Variants in EFR3B observed in about 807,000 individuals in gnomAD.
The protein encoded by EFR3B is EFR3 homolog B.
Under a neutral mutation model 104.7 loss-of-function variants are expected in EFR3B, and 64 were observed. The ratio of observed to expected loss-of-function variants is 0.61; its 90% CI spans 0.50 to 0.75. EFR3B has a LOEUF of 0.75. Ranked by LOEUF, EFR3B falls within the 30% of genes least tolerant of loss-of-function variation. The pLI is 0.00. For synonymous variants in EFR3B, 385 were observed against 417.9 expected, an observed-to-expected ratio of 0.92 and a Z score of 0.96; for missense variants, 750 against 1,078.5, an observed-to-expected ratio of 0.70 and a Z score of 4.27.
At chr2:25,135,758 G>A (rs1191915900) in intron 13 of EFR3B, 119 bp downstream of exon 13, 1 of 1,189,246 alleles carries the variant, frequency 8.4e-7, no homozygotes, top group African/African-American at 1.5e-5. Flanking sequence ...AGTATTGTGG[G>A]ATCTGAGTAT....
At position 25,042,553 on chromosome 2, in the gene EFR3B, G is replaced by T. The variant is rs1667601483; in HGVS notation, c.7+234G>T. Reference sequence around the variant, plus strand: ...GGCCCGGCGCGTGCCGGTGCTGGGCGGTGGTCCTTCGGGGGGCGGAGGCTC... The same window carrying T: ...GGCCCGGCGCGTGCCGGTGCTGGGCTGTGGTCCTTCGGGGGGCGGAGGCTC... On this transcript the variant is annotated intron_variant, in intron 1 of 22. Transcript: ENST00000403714. The surrounding 1 kb of genome is among the most constrained non-coding windows in gnomAD (Gnocchi z 5.4). The T allele has an allele frequency of 3.3e-6, 4 of 1,205,652 alleles. No individual in the cohort carries two copies. The Admixed American group carries it at 1.3e-4, about 40-fold the overall frequency. The allele number at this position is 1,205,652 out of a possible 1,614,324, so 74.7% of individuals were successfully genotyped here. A position where few individuals can be genotyped will look rare whatever the true frequency, so the allele number is the denominator to read the frequency against.
chr2:25,083,134 C>T (rs549958578), intron 1 of EFR3B, among the ~76,000 whole-genome samples: 2 of 152,180 alleles, frequency 1.3e-5, no homozygotes, highest in African/African-American at 2.4e-5. Flanking sequence ...GGCCATATCA[C>T]GTTTCCCTCT....
intron 1 of EFR3B, among the ~76,000 whole-genome samples, chr2:25,073,748 G>T (rs1467649633): frequency 1.3e-5 from 2 of 152,122 alleles, no homozygotes; most frequent in African/African-American, 2.4e-5. Flanking sequence ...GAAACCACAT[G>T]CATGTGTGCC....
chr2:25,134,925 A>G (rs1670478753), intron 12 of EFR3B, among the ~76,000 whole-genome samples: 1 of 152,226 alleles, frequency 6.6e-6, no homozygotes, highest in Non-Finnish European at 1.5e-5. Context: ...CATGTATGGC[A>G]TATCTATTTA....
chr2:25,080,321 T>TG, intron 1 of EFR3B: 1 of 724,780 alleles, frequency 1.4e-6, no homozygotes, highest in Non-Finnish European at 2.1e-6. Context: ...TGAGATGGAG[T>TG]TTTGCTCTTG....
chr2:25,124,464 C>T (rs923787660), intron 5 of EFR3B, among the ~76,000 whole-genome samples: 3 of 151,922 alleles, frequency 2.0e-5, no homozygotes, highest in East Asian at 1.9e-4. Context: ...CAGTGGCTCA[C>T]GCCTGTAATC....
At chr2:25,098,831 ATT>A (rs11416666) in intron 3 of EFR3B, among the ~76,000 whole-genome samples, 4 of 83,798 alleles carry the variant, frequency 4.8e-5, no homozygotes, top group East Asian at 2.4e-4. Context: ...TAAGTAGCCA[ATT>A]TTTTTTTTTT....
chr2:25,066,219 T>A (rs1668333582), intron 1 of EFR3B, among the ~76,000 whole-genome samples: 1 of 152,194 alleles, frequency 6.6e-6, no homozygotes, highest in African/African-American at 2.4e-5. Context: ...TCTTCCAGGA[T>A]AGGGACATTC....
In EFR3B at chr2:25,136,470, G is replaced by C; in HGVS notation, c.1485-53G>C. 1 of 1,449,178 alleles carries C rather than the reference G, an allele frequency of 6.9e-7. No homozygotes were observed. Among genetic ancestry groups the C allele is most frequent in the Non-Finnish European group, 9.5e-7 (1 of 1,055,950 alleles). The allele number at this position is 1,449,178 out of a possible 1,614,324, so 89.8% of individuals were successfully genotyped here. A position where few individuals can be genotyped will look rare whatever the true frequency, so the allele number is the denominator to read the frequency against. ...GATAAAGCTCAGTGACCCCGTGTGA[G>C]CTCAGGCTGGCCTCATGCAAGGGCT... On this transcript the variant is annotated intron_variant, in intron 13 of 22. Coordinates refer to ENST00000403714, the MANE Select transcript of EFR3B (RefSeq NM_014971.2). The surrounding 1 kb of genome is among the most constrained non-coding windows in gnomAD (Gnocchi z 4.0).
intron 4 of EFR3B, among the ~76,000 whole-genome samples, chr2:25,106,082 T>G (rs1669555195): frequency 6.6e-6 from 1 of 152,248 alleles, no homozygotes; most frequent in Admixed American, 6.5e-5. Flanking sequence ...CCAGACCTTC[T>G]TGAGCCTTCC....
intron 17 of EFR3B, 24 bp downstream of exon 17, chr2:25,141,457 G>C (rs1392013365): frequency 6.5e-7 from 1 of 1,550,220 alleles, no homozygotes; most frequent in South Asian, 1.2e-5. Context: ...GGGGGACGTG[G>C]TCAGGGATCC....
At chr2:25,047,643 C>T (rs958178293) in intron 1 of EFR3B, among the ~76,000 whole-genome samples, 5 of 151,984 alleles carry the variant, frequency 3.3e-5, no homozygotes, top group Non-Finnish European at 5.9e-5. Context: ...GGATTACAGG[C>T]GTGTGCCACC....
chr2:25,117,361 G>C (rs1014349412), intron 4 of EFR3B, among the ~76,000 whole-genome samples: 5 of 151,882 alleles, frequency 3.3e-5, no homozygotes, highest in Admixed American at 6.6e-5. Flanking sequence ...GGAAGTGTTT[G>C]AAAAGCCAAG....
chr2:25,043,261 T>A (rs1028929284), intron 1 of EFR3B, among the ~76,000 whole-genome samples: 1 of 152,062 alleles, frequency 6.6e-6, no homozygotes. Flanking sequence ...AGCAAAATAA[T>A]TGGAGCTGTG....
intron 13 of EFR3B, 29 bp downstream of exon 13, chr2:25,135,668 T>C: frequency 6.4e-7 from 1 of 1,551,364 alleles, no homozygotes; most frequent in East Asian, 2.4e-5. Context: ...CTCCAGGCAA[T>C]GCAAGATGGG....
Position 25,130,410 on chromosome 2 carries a change from C to G in EFR3B, c.771-142C>G, listed in dbSNP as rs2304572. On this transcript the variant is annotated intron_variant, in intron 7 of 22. Coordinates refer to ENST00000403714, the MANE Select transcript of EFR3B (RefSeq NM_014971.2). The surrounding 1 kb of genome is among the most constrained non-coding windows in gnomAD (Gnocchi z 4.6). ...CTCCAGCACTGGACTGGGACTACCC[C>G]AAGGCCCTTCAGGCTTCACTTCCTC... 1 of 826,936 alleles carries G rather than the reference C, an allele frequency of 1.2e-6. No homozygotes were observed. Among genetic ancestry groups the G allele is most frequent in the Non-Finnish European group, 2.0e-6 (1 of 500,258 alleles). 51.2% of individuals were successfully genotyped at this position (826,936 alleles called of 1,614,324 possible).
At chr2:25,122,285 A>T (rs1670038413) in intron 5 of EFR3B, among the ~76,000 whole-genome samples, 2 of 152,070 alleles carry the variant, frequency 1.3e-5, no homozygotes, top group South Asian at 4.1e-4. Context: ...TGGTTTCTAA[A>T]GGAAAAACTG....
At chr2:25,080,311 T>TTTTTTTTTTTTTTTTTTTTTTG in intron 1 of EFR3B, 1 of 734,946 alleles carries the variant, frequency 1.4e-6, no homozygotes, top group Non-Finnish European at 2.1e-6. Context: ...TTTTTTTTTT[T>TTTTTTTTTTTTTTTTTTTTTTG]GAGATGGAGT....
chr2:25,132,899 G>T lies in EFR3B; in HGVS notation c.1148-4G>T, dbSNP rs1009742609. 1 of 1,550,056 alleles carries T rather than the reference G, an allele frequency of 6.5e-7. No individual in the cohort carries two copies. Among genetic ancestry groups the T allele is most frequent in the African/African-American group, 1.4e-5 (1 of 72,996 alleles). On this transcript the variant is annotated splice_region_variant and splice_polypyrimidine_tract_variant and intron_variant, in intron 10 of 22. Coordinates refer to ENST00000403714, the MANE Select transcript of EFR3B (RefSeq NM_014971.2). ...CTGGGCACCCTCTCCGCCACCTCCT[G>T]CAGGCTCCTTTGCCAGCACGCTGCC...
Sources: allele counts gnomAD v4.1 joint callset (sites outside exome capture counted in the v4.1 genomes callset), GRCh38; gene constraint gnomAD v4.1.1; non-coding constraint Gnocchi (gnomAD v3.1); transcripts MANE v1.5; gene names NCBI Gene and HGNC (gene_info 2026-07-23, HGNC 2026-07-21).